Variants in PIK3C2G observed in about 807,000 individuals in gnomAD.
PIK3C2G encodes the protein phosphatidylinositol 3-kinase C2 domain-containing subunit gamma.
PIK3C2G carries 168 observed loss-of-function variants against 181.1 expected under a neutral mutation model. The ratio of observed to expected loss-of-function variants is 0.93; its 90% CI spans 0.82 to 1.05. The LOEUF (loss-of-function observed/expected upper bound fraction) is 1.05. PIK3C2G is among the 50% of genes least tolerant of loss of function. PIK3C2G has a pLI of 0.00. For synonymous variants in PIK3C2G, 573 were observed against 592.2 expected (o/e 0.97, Z 0.47); for missense variants, 1,869 against 1,732.8 (o/e 1.08, Z -1.40).
chr12:18,387,092 A>T (rs1380978402), intron 14 of PIK3C2G, among the ~76,000 whole-genome samples: 1 of 152,106 alleles, frequency 6.6e-6, no homozygotes, highest in East Asian at 1.9e-4. Flanking sequence ...CATGCCCCAC[A>T]TACACCTACC....
chr12:18,492,209 G>A (rs890863539), intron 20 of PIK3C2G, among the ~76,000 whole-genome samples: 1 of 152,078 alleles, frequency 6.6e-6, no homozygotes, highest in Non-Finnish European at 1.5e-5. Flanking sequence ...AAGCCCAAGA[G>A]TACAAAGACA....
intron 18 of PIK3C2G, among the ~76,000 whole-genome samples, chr12:18,443,538 A>G (rs1946861567): frequency 6.6e-6 from 1 of 152,156 alleles, no homozygotes; most frequent in South Asian, 2.1e-4. Flanking sequence ...TCTGAAAAGT[A>G]AAATGTGTAC....
chr12:18,577,066 G>T (rs1235842320), intron 29 of PIK3C2G, among the ~76,000 whole-genome samples: 3 of 152,182 alleles, frequency 2.0e-5, no homozygotes, highest in Non-Finnish European at 4.4e-5. Context: ...TGATTTCTGG[G>T]ACTGGTGTGA....
chr12:18,360,051 CT>C (rs1323709976), intron 11 of PIK3C2G, among the ~76,000 whole-genome samples: 1 of 151,952 alleles, frequency 6.6e-6, no homozygotes, highest in Non-Finnish European at 1.5e-5. Context: ...TCCTCTCTGG[CT>C]GTGTATTTTT....
intron 18 of PIK3C2G, among the ~76,000 whole-genome samples, chr12:18,471,379 T>A (rs181778264): frequency 1.3e-5 from 2 of 152,284 alleles, no homozygotes; most frequent in African/African-American, 2.4e-5. Context: ...GTGCTACCTA[T>A]AGAACAAATC....
At chr12:18,712,393 C>G in the PIK3C2G span, among the ~76,000 whole-genome samples, 1 of 152,106 alleles carries the variant, frequency 6.6e-6, no homozygotes, top group African/African-American at 2.4e-5. Flanking sequence ...AAGTAAACTT[C>G]TGAACATTTC....
At chr12:18,622,503 T>C (rs1032939061) in intron 31 of PIK3C2G, among the ~76,000 whole-genome samples, 3 of 151,996 alleles carry the variant, frequency 2.0e-5, no homozygotes, top group Admixed American at 2.0e-4. Context: ...TTGTGAATAG[T>C]GCTGCAATAA....
the PIK3C2G span, among the ~76,000 whole-genome samples, chr12:18,711,170 G>T: frequency 6.6e-6 from 1 of 151,790 alleles, no homozygotes; most frequent in Non-Finnish European, 1.5e-5. Context: ...TTAAGAAAAT[G>T]GGGAACATAT....
intron 12 of PIK3C2G, among the ~76,000 whole-genome samples, chr12:18,364,431 C>A (rs1381112263): frequency 1.3e-5 from 2 of 152,158 alleles, no homozygotes; most frequent in African/African-American, 2.4e-5. Flanking sequence ...CTGTAAATTT[C>A]TCTTACAGTA....
At chr12:18,452,505 A>T (rs527274707) in intron 18 of PIK3C2G, among the ~76,000 whole-genome samples, 177 of 109,318 alleles carry the variant, frequency 1.6e-3, no homozygotes, top group African/African-American at 5.1e-3. Flanking sequence ...ATCTTTTTTT[A>T]AAAAAAAACA....
rs114723085 is a variant in PIK3C2G, at chr12:18,328,625, C to T, written c.1272+3527C>T. Among the ~76,000 whole-genome samples the T allele has an allele frequency of 2.2e-3, 329 of 151,876 alleles. 1 individual carries two copies. The highest frequency in any genetic ancestry group is 7.5e-3 in the African/African-American group (313 of 41,478). ...CCACTATGGAAGTTTTGTATTCGAC[C>T]TTCCTCAGATTTATATGATTCATCA... On this transcript the variant is annotated intron_variant, in intron 8 of 32. Transcript: ENST00000538779.
chr12:18,265,069 G>C (rs1403445039), intron 1 of PIK3C2G, among the ~76,000 whole-genome samples: 2 of 152,100 alleles, frequency 1.3e-5, no homozygotes, highest in Non-Finnish European at 2.9e-5. Context: ...TTATTTCATG[G>C]TTGTGTGTGT....
rs556115879 is a variant in PIK3C2G at position 18,553,901 on chromosome 12, C to G, written c.3590+7469C>G. ...AGTAGATTTTCTGAAATAATATTTG[C>G]TTAATACTATTTAATTTCCAAAGAC... On this transcript the variant is annotated intron_variant, in intron 26 of 32. Coordinates refer to ENST00000538779, the MANE Select transcript of PIK3C2G (RefSeq NM_001288772.2). Among the ~76,000 whole-genome samples the G allele has an allele frequency of 3.9e-5, 6 of 152,078 alleles. No individual in the cohort carries two copies. The South Asian group carries it at 1.2e-3, about 32-fold the overall frequency.
the PIK3C2G span, among the ~76,000 whole-genome samples, chr12:18,688,992 AAGG>A: frequency 9.3e-5 from 14 of 150,158 alleles, no homozygotes; most frequent in Admixed American, 9.3e-4. Flanking sequence ...GGAGGGAGAG[AAGG>A]AGTAGAAAAG....
chr12:18,679,391 A>G, the PIK3C2G span, among the ~76,000 whole-genome samples: 1 of 152,008 alleles, frequency 6.6e-6, no homozygotes, highest in African/African-American at 2.4e-5. Context: ...AAGATATTCT[A>G]TCTGCTTTCT....
chr12:18,394,484 G>A (rs1943735240), intron 15 of PIK3C2G, among the ~76,000 whole-genome samples: 1 of 152,048 alleles, frequency 6.6e-6, no homozygotes. Flanking sequence ...GGGAGAGGAA[G>A]TGGTTAATAG....
intron 18 of PIK3C2G, among the ~76,000 whole-genome samples, chr12:18,427,500 TAA>T (rs59178829): frequency 2.4e-4 from 28 of 114,816 alleles, no homozygotes; most frequent in African/African-American, 2.7e-4. Flanking sequence ...GAGACTCCAT[TAA>T]AAAAAAAAAA....
At chr12:18,322,931 G>T (rs1006472887) in intron 7 of PIK3C2G, among the ~76,000 whole-genome samples, 42 of 152,148 alleles carry the variant, frequency 2.8e-4, no homozygotes, top group Non-Finnish European at 5.9e-5. Context: ...GGGGGGAACA[G>T]AGAGAAAGGG....
chr12:18,572,824 T>C (rs1946032997), intron 29 of PIK3C2G, among the ~76,000 whole-genome samples: 1 of 150,964 alleles, frequency 6.6e-6, no homozygotes, highest in African/African-American at 2.5e-5. Context: ...TCTTCTGACA[T>C]AACTTCTGGG....
Sources: gnomAD v4.1 joint callset for allele counts (sites outside exome capture counted in the v4.1 genomes callset) on GRCh38, gnomAD v4.1.1 for gene constraint, MANE v1.5 for transcripts, NCBI Gene and HGNC (gene_info 2026-07-23, HGNC 2026-07-21) for gene names.